ASMTL: variants seen among roughly 807,000 people sequenced by gnomAD.
ASMTL encodes the protein probable bifunctional dTTP/UTP pyrophosphatase/methyltransferase protein.
ASMTL carries 57 observed loss-of-function variants against 60.3 expected under a neutral mutation model. The ratio of observed to expected loss-of-function variants is 0.95; its 90% confidence interval spans 0.76 to 1.18. The LOEUF (loss-of-function observed/expected upper bound fraction) is 1.18, where lower values mean the gene tolerates loss of function less well. Among genes scored for constraint, ASMTL ranks in the 50% most tolerant of loss-of-function variants. The pLI is 0.00. For missense variants in ASMTL, 981 were observed against 852.6 expected (o/e 1.15, Z -1.88); for synonymous variants, 419 against 373.0 (o/e 1.12, Z -1.42).
In ASMTL at chrX:1,432,319, C is replaced by G; in HGVS notation, c.459G>C (p.Ser153=). 1 of 1,613,310 alleles carries G rather than the reference C, an allele frequency of 6.2e-7. No homozygotes were observed. The highest frequency in any genetic ancestry group is 8.5e-7 in the Non-Finnish European group (1 of 1,179,762). ...CCCAGAGCAGCTCCTCGGACAGCTC[C>G]GAGAACTTCACCTTCGTTTCCTCGT... ...EFYEETKVKF[S]ELSEELLWEY... Residue 153 remains serine, a synonymous_variant, in exon 6 of 13, where the codon TCG becomes TCC. Coordinates refer to ENST00000381317, the MANE Select transcript of ASMTL (RefSeq NM_004192.4).
Position 1,428,052 on chromosome X carries a change from A to G in ASMTL, c.579T>C (p.Phe193=), listed in dbSNP as rs767159593. 1.2e-6 allele frequency: 2 copies of G among 1,613,714 alleles called. No homozygotes were observed. The highest frequency in any genetic ancestry group is 1.7e-5 in the Admixed American group (1 of 60,004). ...GMLVESVHGD[F]LNVVGFPLNH... Reference sequence around the variant, plus strand: ...TCAGCGGGAATCCCACCACGTTCAGAAAGTCCCCGTGTACGGACTCCACCA... The same window carrying G: ...TCAGCGGGAATCCCACCACGTTCAGGAAGTCCCCGTGTACGGACTCCACCA... The change falls in exon 7 of 13, where the codon TTT becomes TTC. Residue 193 remains phenylalanine (F), a synonymous_variant. Transcript: ENST00000381317.
chrX:1,437,446 G>A (rs1344663023), intron 3 of ASMTL, among the ~76,000 whole-genome samples: 1 of 150,884 alleles, frequency 6.6e-6, no homozygotes, highest in Admixed American at 6.6e-5. Flanking sequence ...GGTTCCTCCT[G>A]AGGCCTCTCT....
chrX:1,422,667 C>A (rs1330271964), intron 8 of ASMTL, among the ~76,000 whole-genome samples: 12 of 152,190 alleles, frequency 7.9e-5, no homozygotes, highest in Non-Finnish European at 1.6e-4. Flanking sequence ...CCACTCCGGT[C>A]CTCCTATGTA....
chrX:1,417,187 A>G (rs1244910930), intron 11 of ASMTL, among the ~76,000 whole-genome samples: 2 of 151,922 alleles, frequency 1.3e-5, no homozygotes, highest in African/African-American at 2.4e-5. Context: ...GCATGCACAC[A>G]GATGCAGACG....
In ASMTL at chrX:1,419,127, A is replaced by G; in HGVS notation, c.1246-13T>C. 6.2e-7 allele frequency: 1 copy of G among 1,610,354 alleles called. No homozygotes were observed. Among genetic ancestry groups the G allele is most frequent in the Non-Finnish European group, 8.5e-7 (1 of 1,179,178 alleles). On this transcript the variant is annotated splice_polypyrimidine_tract_variant and intron_variant, in intron 9 of 12. Transcript: ENST00000381317. ...GGTAGTACGCATCCTGGAACACAGC[A>G]GGTGCTTAGGGGCACCAGAGAACAC...
At chrX:1,452,714 C>A (rs1225578459) in intron 1 of ASMTL, 34 bp downstream of exon 1, 3 of 1,551,406 alleles carry the variant, frequency 1.9e-6, no homozygotes, top group Non-Finnish European at 2.6e-6. Flanking sequence ...CCCTCCGTCC[C>A]CGGTCCCCTG....
At chrX:1,431,610 G>A (rs1224793196) in intron 6 of ASMTL, among the ~76,000 whole-genome samples, 1 of 140,558 alleles carries the variant, frequency 7.1e-6, no homozygotes, top group African/African-American at 2.6e-5. Context: ...ATCTATTATA[G>A]TATATAATAC....
chrX:1,404,180 A>G lies in ASMTL; in HGVS notation c.1646-691T>C, dbSNP rs769947925. Among the ~76,000 whole-genome samples the G allele has an allele frequency of 6.2e-4, 93 of 151,152 alleles. 1 individual carries two copies. The highest frequency in any genetic ancestry group is 2.2e-3 in the African/African-American group (90 of 40,700). On this transcript the variant is annotated intron_variant, in intron 12 of 12. Transcript: ENST00000381317. ...GATGGGTACGTAGGTAGATGGATGG[A>G]TAGATGGATGCATGGATGAGATGGA...
chrX:1,428,511 G>A (rs1403033076), intron 6 of ASMTL, among the ~76,000 whole-genome samples: 2 of 151,534 alleles, frequency 1.3e-5, no homozygotes, highest in Non-Finnish European at 2.9e-5. Context: ...GTGTGGTGTG[G>A]TGGCACACGC....
chrX:1,420,281 TTCTG>T (rs2090447058), intron 9 of ASMTL, among the ~76,000 whole-genome samples: 1 of 151,020 alleles, frequency 6.6e-6, no homozygotes, highest in South Asian at 2.1e-4. Flanking sequence ...GTCTCTGTCT[TTCTG>T]TCTCCCTGTT....
intron 2 of ASMTL, 26 bp downstream of exon 2, chrX:1,442,160 A>T: frequency 6.2e-7 from 1 of 1,607,546 alleles, no homozygotes; most frequent in Non-Finnish European, 8.5e-7. Context: ...AATTTTCATA[A>T]GGGCCGAAGG....
intron 4 of ASMTL, 70 bp downstream of exon 4, chrX:1,435,624 C>G (rs1303785698): frequency 2.7e-6 from 4 of 1,498,734 alleles, no homozygotes; most frequent in Admixed American, 1.7e-5. Context: ...CCCCAGGACA[C>G]CCGGCCAGAT....
Position 1,407,739 on chromosome X carries a change from G to T in ASMTL, c.1646-4250C>A, listed in dbSNP as rs1471627277. The stretch of plus-strand genomic sequence containing the variant: ...TCTCTATTTTATTTTTTTTAAAAAA[G>T]GATGATAGATGTATAAAGAGAGACA... On this transcript the variant is annotated intron_variant, in intron 12 of 12. Transcript: ENST00000381317. 4.6e-5 allele frequency among the ~76,000 whole-genome samples: 7 copies of T among 151,738 alleles called. No individual in the cohort carries two copies. The East Asian group carries it at 1.3e-3, about 29-fold the overall frequency.
At chrX:1,420,612 GC>G (rs1301243127) in intron 9 of ASMTL, among the ~76,000 whole-genome samples, 39 of 152,306 alleles carry the variant, frequency 2.6e-4, no homozygotes, top group African/African-American at 8.9e-4. Context: ...ATCTGCACAG[GC>G]CCCACGGACC....
intron 11 of ASMTL, 44 bp from the exon 12 acceptor site, chrX:1,412,898 A>C: frequency 6.2e-7 from 1 of 1,611,546 alleles, no homozygotes; most frequent in Middle Eastern, 1.7e-4. Context: ...GGTATGGAAG[A>C]AGCAGTCCTC....
rs1215245613 is a variant in ASMTL at position 1,403,213 on chromosome X, C to A, written c.*56G>T. On this transcript the variant is annotated 3_prime_UTR_variant, in exon 13 of 13. Coordinates refer to ENST00000381317, the MANE Select transcript of ASMTL (RefSeq NM_004192.4). ...TGTCCTATGGTACTTGGGGACCGGG[C>A]GGTCCACCTGCAGCCTGGGGGAGGA... 5 of 1,461,872 alleles carry A rather than the reference C, an allele frequency of 3.4e-6. No individual in the cohort carries two copies. The highest frequency in any genetic ancestry group is 1.7e-5 in the Admixed American group (1 of 58,362). The allele number at this position is 1,461,872 out of a possible 1,614,324, so 90.6% of individuals were successfully genotyped here.
chrX:1,429,083 C>T (rs766503396), intron 6 of ASMTL, among the ~76,000 whole-genome samples: 63 of 151,618 alleles, frequency 4.2e-4, no homozygotes, highest in African/African-American at 7.7e-4. Context: ...TTAGTAGAGA[C>T]GGGGTTTCAC....
At chrX:1,442,018 T>C (rs2091120405) in intron 2 of ASMTL, 168 bp downstream of exon 2, 1 of 720,688 alleles carries the variant, frequency 1.4e-6, no homozygotes, top group East Asian at 2.5e-5. Context: ...ATGGTATTAT[T>C]AGGTTACTGC....
chrX:1,432,414 C>T (rs1372532840), intron 5 of ASMTL, 37 bp from the exon 6 acceptor site: 1 of 1,532,966 alleles, frequency 6.5e-7, no homozygotes, highest in Non-Finnish European at 9.0e-7. Flanking sequence ...GCGTGGACGC[C>T]AGCTTGTCAC....
Sources: allele counts gnomAD v4.1 joint callset (sites outside exome capture counted in the v4.1 genomes callset), GRCh38; gene constraint gnomAD v4.1.1; transcripts MANE v1.5; gene names NCBI Gene and HGNC (gene_info 2026-07-23, HGNC 2026-07-21).